The following PTPRK variants were observed in gnomAD, a reference collection of about 807,000 sequenced individuals.
The protein encoded by PTPRK is receptor-type tyrosine-protein phosphatase kappa.
In PTPRK, 75 loss-of-function variants were observed where a neutral mutation model predicts 178.0. The ratio of observed to expected loss-of-function variants is 0.42; its 90% CI spans 0.35 to 0.51. The LOEUF (loss-of-function observed/expected upper bound fraction) is 0.51. PTPRK is among the 20% of genes least tolerant of loss of function. The pLI, the probability that PTPRK is intolerant of heterozygous loss-of-function variation, is 0.02. For missense variants in PTPRK, 1,441 were observed against 1,797.8 expected, an observed-to-expected ratio of 0.80 and a Z score of 3.59; for synonymous variants, 637 against 620.6, an observed-to-expected ratio of 1.03 and a Z score of -0.39.
At chr6:128,389,416 TTTTTTGTTG>T (rs1176141878) in intron 2 of PTPRK, among the ~76,000 whole-genome samples, 166 of 149,100 alleles carry the variant, frequency 1.1e-3, no homozygotes, top group Non-Finnish European at 1.6e-3. Flanking sequence ...TTTTTTTGTT[TTTTTTGTTG>T]TGTGTGTGTG....
intron 13 of PTPRK, among the ~76,000 whole-genome samples, chr6:128,055,548 T>A (rs1374096140): frequency 1.3e-5 from 2 of 152,166 alleles, no homozygotes; most frequent in Non-Finnish European, 2.9e-5. Flanking sequence ...TGTCTTTGTA[T>A]TCGCCATGAT....
intron 5 of PTPRK, among the ~76,000 whole-genome samples, chr6:128,236,716 T>C (rs532404195): frequency 6.6e-6 from 1 of 152,164 alleles, no homozygotes; most frequent in Non-Finnish European, 1.5e-5. Context: ...GAAAACCTCA[T>C]GATTTCACCA....
chr6:128,154,686 GCAATTA>G (rs575395803), intron 7 of PTPRK, among the ~76,000 whole-genome samples: 9 of 151,320 alleles, frequency 5.9e-5, no homozygotes, highest in Non-Finnish European at 1.3e-4. Flanking sequence ...GAAATAAAAT[GCAATTA>G]CAGATAATTT....
chr6:128,025,041 T>C lies in PTPRK; in HGVS notation c.2195-15773A>G, dbSNP rs375520704. On this transcript the variant is annotated intron_variant, in intron 13 of 29. Transcript: ENST00000368226. ...TTTATTTTGCAGTACAACAAGTTTG[T>C]CTTTGACATATGTGGAATAAATTCT... Among the ~76,000 whole-genome samples, 7 of 152,378 alleles carry C rather than the reference T, an allele frequency of 4.6e-5. No individual in the cohort carries two copies. The East Asian group carries it at 1.3e-3, about 29-fold the overall frequency.
At chr6:128,138,131 A>G (rs2114496053) in intron 7 of PTPRK, among the ~76,000 whole-genome samples, 1 of 152,266 alleles carries the variant, frequency 6.6e-6, no homozygotes, top group African/African-American at 2.4e-5. Context: ...CCTGGTCCCG[A>G]AATTAAAGAT....
intron 1 of PTPRK, among the ~76,000 whole-genome samples, chr6:128,436,301 A>C (rs1305045367): frequency 2.0e-5 from 3 of 152,216 alleles, no homozygotes; most frequent in African/African-American, 7.2e-5. Flanking sequence ...CAAGTAAAAT[A>C]ATCCAACTGA....
At chr6:128,179,665 G>C (rs1268879049) in intron 7 of PTPRK, among the ~76,000 whole-genome samples, 1 of 151,930 alleles carries the variant, frequency 6.6e-6, no homozygotes, top group Non-Finnish European at 1.5e-5. Context: ...TCTTAGAAGA[G>C]TTGTTTATTT....
intron 13 of PTPRK, among the ~76,000 whole-genome samples, chr6:128,063,242 G>C (rs1781169395): frequency 6.6e-6 from 1 of 152,086 alleles, no homozygotes; most frequent in African/African-American, 2.4e-5. Flanking sequence ...CAAAGTTTCT[G>C]TCAATTATTC....
intron 1 of PTPRK, among the ~76,000 whole-genome samples, chr6:128,403,805 C>G (rs1264488701): frequency 5.3e-5 from 8 of 152,174 alleles, no homozygotes; most frequent in African/African-American, 1.9e-4. Context: ...TATATACTTT[C>G]AAACAGTCAG....
At chr6:128,005,459 T>C (rs1778308103) in intron 14 of PTPRK, among the ~76,000 whole-genome samples, 1 of 151,552 alleles carries the variant, frequency 6.6e-6, no homozygotes, top group African/African-American at 2.4e-5. Flanking sequence ...CATATTTCAA[T>C]ATTCAAGCTG....
intron 13 of PTPRK, among the ~76,000 whole-genome samples, chr6:128,051,359 C>CT: frequency 6.6e-6 from 1 of 152,174 alleles, no homozygotes; most frequent in Non-Finnish European, 1.5e-5. Context: ...TCCCCAACCA[C>CT]TTTATTTTCT....
chr6:128,493,975 C>T (rs1172654687), intron 1 of PTPRK, among the ~76,000 whole-genome samples: 1 of 152,170 alleles, frequency 6.6e-6, no homozygotes, highest in African/African-American at 2.4e-5. Context: ...AAAACCTAAA[C>T]AAAGCCTAAC....
chr6:128,001,282 A>T, intron 15 of PTPRK: 2 of 1,173,422 alleles, frequency 1.7e-6, no homozygotes, highest in Non-Finnish European at 2.4e-6. Context: ...AGCCCTTTTA[A>T]ATCAGTAAGT....
intron 2 of PTPRK, among the ~76,000 whole-genome samples, chr6:128,373,416 A>C (rs1836579083): frequency 6.6e-6 from 1 of 152,228 alleles, no homozygotes; most frequent in Non-Finnish European, 1.5e-5. Flanking sequence ...ATTGATGTTT[A>C]TCATTAGTTG....
intron 1 of PTPRK, among the ~76,000 whole-genome samples, chr6:128,503,642 T>C (rs1193759349): frequency 1.3e-5 from 2 of 152,172 alleles, no homozygotes; most frequent in Non-Finnish European, 2.9e-5. Context: ...CATATTTTGT[T>C]AAATGAAGAG....
intron 3 of PTPRK, among the ~76,000 whole-genome samples, chr6:128,285,573 G>A (rs1822362184): frequency 6.6e-6 from 1 of 151,824 alleles, no homozygotes; most frequent in Non-Finnish European, 1.5e-5. Context: ...CACTTTGGGA[G>A]GCCAAGGCAG....
At chr6:128,117,190 TG>T (rs1203054955) in intron 7 of PTPRK, among the ~76,000 whole-genome samples, 1 of 152,080 alleles carries the variant, frequency 6.6e-6, no homozygotes, top group Non-Finnish European at 1.5e-5. Flanking sequence ...AACTAATTAA[TG>T]GGAATAGCAA....
At chr6:128,171,400 A>G (rs985369660) in intron 7 of PTPRK, among the ~76,000 whole-genome samples, 13 of 152,134 alleles carry the variant, frequency 8.5e-5, no homozygotes, top group Admixed American at 2.0e-4. Flanking sequence ...AACAGTAGGT[A>G]GTAATGGAAA....
At chr6:128,246,474 A>C (rs910220333) in intron 3 of PTPRK, among the ~76,000 whole-genome samples, 2 of 151,998 alleles carry the variant, frequency 1.3e-5, no homozygotes, top group African/African-American at 2.4e-5. Context: ...TAGTGACCTC[A>C]TTTTCCCTGC....
Sources: gnomAD v4.1 joint callset for allele counts (sites outside exome capture counted in the v4.1 genomes callset) on GRCh38, gnomAD v4.1.1 for gene constraint, MANE v1.5 for transcripts, NCBI Gene and HGNC (gene_info 2026-07-23, HGNC 2026-07-21) for gene names.